Variants in KIAA1549 observed in about 807,000 individuals in gnomAD.
KIAA1549 encodes the protein KIAA1549, also known as UPF0606 protein KIAA1549.
A neutral mutation model predicts 156.4 loss-of-function variants in KIAA1549; 70 were observed. That is an observed-to-expected ratio of 0.45 (90% CI 0.37 to 0.55). The LOEUF (loss-of-function observed/expected upper bound fraction) is 0.55. KIAA1549 is among the 20% of genes least tolerant of loss of function. The pLI is 0.00. For missense variants in KIAA1549, 2,428 were observed against 2,540.9 expected (o/e 0.96, Z 0.96); for synonymous variants, 1,103 against 1,066.4 (o/e 1.03, Z -0.67).
chr7:138,889,609 T>C (rs1362456155), intron 10 of KIAA1549, among the ~76,000 whole-genome samples: 1 of 152,224 alleles, frequency 6.6e-6, no homozygotes, highest in Non-Finnish European at 1.5e-5. Context: ...GACTGGTTTT[T>C]TTCTGGGTAA....
chr7:138,913,687 G>A (rs1386962219), intron 2 of KIAA1549, among the ~76,000 whole-genome samples: 2 of 152,068 alleles, frequency 1.3e-5, no homozygotes, highest in African/African-American at 2.4e-5. Context: ...TTAAAGGTGA[G>A]TGGAGGCTCC....
chr7:138,952,579 G>A (rs1813533359), intron 1 of KIAA1549, among the ~76,000 whole-genome samples: 1 of 152,216 alleles, frequency 6.6e-6, no homozygotes, highest in African/African-American at 2.4e-5. Flanking sequence ...GTGAAGGGCT[G>A]ACGTGAATTC....
At position 138,918,983 on chromosome 7, in the gene KIAA1549, T is replaced by C. The variant is rs1812450600; in HGVS notation, c.643A>G (p.Thr215Ala). Residue 215 changes from threonine to alanine, a missense_variant, in exon 2 of 20, where the codon ACA becomes GCA. By Grantham distance (58) the Thr-to-Ala change is moderately conservative. Coordinates refer to ENST00000422774, the MANE Select transcript of KIAA1549 (RefSeq NM_001164665.2). This position sits in a 1 kb window ranked among gnomAD's most constrained non-coding sequence, Gnocchi z 4.2. ...GCATATGCCGCTGGTTGTCGCGTTG[T>C]GTTCTGCCAGCCCGATGTCACTTCT... ...DEEVTSGWQN[T>A]TRQPAAYAES... 1.2e-6 allele frequency: 2 copies of C among 1,613,916 alleles called. No individual in the cohort carries two copies. The highest frequency in any genetic ancestry group is 2.7e-5 in the African/African-American group (2 of 74,948).
chr7:138,932,313 G>A (rs1312804068), intron 1 of KIAA1549, among the ~76,000 whole-genome samples: 1 of 152,164 alleles, frequency 6.6e-6, no homozygotes, highest in African/African-American at 2.4e-5. Context: ...TCTGCACATG[G>A]TTTTGGGGTT....
chr7:138,894,908 G>A (rs1474053348), intron 9 of KIAA1549, among the ~76,000 whole-genome samples: 1 of 152,162 alleles, frequency 6.6e-6, no homozygotes, highest in African/African-American at 2.4e-5. Flanking sequence ...CTCTTCAAAA[G>A]TGGAGAGAAA....
At position 138,939,947 on chromosome 7, in the gene KIAA1549, G is replaced by A. The variant is rs146052917; in HGVS notation, c.188-20509C>T. 2.0e-4 allele frequency among the ~76,000 whole-genome samples: 30 copies of A among 152,202 alleles called. No individual in the cohort carries two copies. In the East Asian group the frequency reaches 5.6e-3, roughly 28 times the overall value. ...GGACTGCTTGAAGCCTGTGGTTTGA[G>A]ACCAGCCTGGGCAACATAGCAAGAC... On this transcript the variant is annotated intron_variant, in intron 1 of 19. Transcript: ENST00000422774.
intron 4 of KIAA1549, among the ~76,000 whole-genome samples, chr7:138,910,522 C>A (rs1448503727): frequency 2.0e-5 from 3 of 151,632 alleles, no homozygotes; most frequent in Admixed American, 6.6e-5. Context: ...CCCAGCCACC[C>A]AAGTCACTGG....
At chr7:138,841,751 T>C (rs1219882224) in intron 18 of KIAA1549, among the ~76,000 whole-genome samples, 1 of 152,138 alleles carries the variant, frequency 6.6e-6, no homozygotes, top group Non-Finnish European at 1.5e-5. Flanking sequence ...TTTTAAGAGA[T>C]GGGGTCTCAC....
chr7:138,921,721 CG>C (rs1812570155), intron 1 of KIAA1549, among the ~76,000 whole-genome samples: 1 of 151,970 alleles, frequency 6.6e-6, no homozygotes, highest in Admixed American at 6.6e-5. Flanking sequence ...AAAAATTAGC[CG>C]GGTATGGTGG....
intron 15 of KIAA1549, among the ~76,000 whole-genome samples, chr7:138,863,563 T>C (rs1216219224): frequency 6.6e-6 from 1 of 152,134 alleles, no homozygotes; most frequent in East Asian, 1.9e-4. Flanking sequence ...CTACACACTC[T>C]TTTAATTGAT....
At chr7:138,862,557 A>C (rs1187904748) in intron 15 of KIAA1549, among the ~76,000 whole-genome samples, 1 of 152,036 alleles carries the variant, frequency 6.6e-6, no homozygotes, top group Non-Finnish European at 1.5e-5. Context: ...TGTGCAAGCA[A>C]TTACAATATC....
chr7:138,855,076 A>G (rs1810347185), intron 16 of KIAA1549, among the ~76,000 whole-genome samples: 1 of 152,114 alleles, frequency 6.6e-6, no homozygotes, highest in Non-Finnish European at 1.5e-5. Context: ...GAGAGAGTAC[A>G]CTGAGGGGTG....
intron 1 of KIAA1549, among the ~76,000 whole-genome samples, chr7:138,979,821 A>C (rs1467584779): frequency 1.3e-5 from 2 of 152,176 alleles, no homozygotes; most frequent in Non-Finnish European, 2.9e-5. Flanking sequence ...ATCTCTGCAG[A>C]GGCTTCAGGT....
At chr7:138,964,753 G>A (rs969061540) in intron 1 of KIAA1549, among the ~76,000 whole-genome samples, 1 of 152,222 alleles carries the variant, frequency 6.6e-6, no homozygotes, top group African/African-American at 2.4e-5. Flanking sequence ...AGAGAAGCAA[G>A]CTGGCACTCT....
intron 16 of KIAA1549, among the ~76,000 whole-genome samples, chr7:138,852,518 C>T (rs1032589660): frequency 6.6e-6 from 1 of 152,252 alleles, no homozygotes; most frequent in African/African-American, 2.4e-5. Context: ...TATATTACAA[C>T]TATAAATATG....
At chr7:138,872,610 A>G (rs1277446729) in intron 12 of KIAA1549, among the ~76,000 whole-genome samples, 2 of 152,234 alleles carry the variant, frequency 1.3e-5, no homozygotes, top group Non-Finnish European at 2.9e-5. Flanking sequence ...ACTCACACTT[A>G]AGAAGATCAA....
chr7:138,842,951 A>G (rs533166089), intron 18 of KIAA1549, among the ~76,000 whole-genome samples: 1 of 152,294 alleles, frequency 6.6e-6, no homozygotes, highest in Non-Finnish European at 1.5e-5. Context: ...TTTTCCCCCA[A>G]TATTTTGGAT....
intron 16 of KIAA1549, among the ~76,000 whole-genome samples, chr7:138,856,894 G>T (rs1408095975): frequency 1.3e-5 from 2 of 152,180 alleles, no homozygotes; most frequent in Non-Finnish European, 2.9e-5. Flanking sequence ...CAGTAAGGCA[G>T]CCCTCCCCAA....
At chr7:138,953,664 T>C (rs547924677) in intron 1 of KIAA1549, among the ~76,000 whole-genome samples, 10 of 152,296 alleles carry the variant, frequency 6.6e-5, no homozygotes, top group African/African-American at 1.9e-4. Flanking sequence ...GTGATCCATA[T>C]TCCCAAGCAG....
Sources: gnomAD v4.1 joint callset for allele counts (sites outside exome capture counted in the v4.1 genomes callset) on GRCh38, gnomAD v4.1.1 for gene constraint, Gnocchi (gnomAD v3.1) non-coding constraint, MANE v1.5 for transcripts, NCBI Gene and HGNC (gene_info 2026-07-23, HGNC 2026-07-21) for gene names.